The following TPTE variants were observed in gnomAD, a reference collection of about 807,000 sequenced individuals.
TPTE encodes putative tyrosine-protein phosphatase TPTE.
TPTE carries 59 observed loss-of-function variants against 84.1 expected under a neutral mutation model. The observed-to-expected ratio is 0.70, with a 90% CI of 0.57 to 0.87. The LOEUF (loss-of-function observed/expected upper bound fraction) is 0.87. Among genes scored for constraint, TPTE ranks in the 40% least tolerant of loss-of-function variants. The pLI is 0.00. For synonymous variants in TPTE, 130 were observed against 223.5 expected (o/e 0.58, Z 3.73); for missense variants, 382 against 659.6 (o/e 0.58, Z 4.61).
chr21:10,557,924 T>C (rs1430414411), intron 8 of TPTE, among the ~76,000 whole-genome samples: 1 of 152,310 alleles, frequency 6.6e-6, no homozygotes, highest in Non-Finnish European at 1.5e-5. Flanking sequence ...CCCACTTAAG[T>C]AGACCCCAGT....
intron 21 of TPTE, among the ~76,000 whole-genome samples, chr21:10,599,764 G>T (rs1261520831): frequency 4.9e-4 from 75 of 152,212 alleles, no homozygotes; most frequent in Non-Finnish European, 8.7e-4. Context: ...AAATAAACTG[G>T]GTCATCCCTT....
intron 3 of TPTE, among the ~76,000 whole-genome samples, chr21:10,529,145 C>T (rs1396210455): frequency 1.3e-5 from 2 of 151,048 alleles, no homozygotes; most frequent in African/African-American, 4.9e-5. Context: ...GACAGCACTG[C>T]TGCACTGCAG....
chr21:10,579,748 A>G (rs1384647055), intron 17 of TPTE, among the ~76,000 whole-genome samples: 1 of 152,312 alleles, frequency 6.6e-6, no homozygotes, highest in African/African-American at 2.4e-5. Context: ...GCCTTTAATT[A>G]TATATACCAT....
intron 3 of TPTE, among the ~76,000 whole-genome samples, chr21:10,529,396 C>A (rs563130902): frequency 2.0e-5 from 3 of 152,308 alleles, no homozygotes; most frequent in Non-Finnish European, 4.4e-5. Flanking sequence ...GAATGTCTAA[C>A]AGCTACTTTT....
intron 3 of TPTE, among the ~76,000 whole-genome samples, chr21:10,530,961 A>G (rs1328160287): frequency 6.6e-6 from 1 of 152,306 alleles, no homozygotes; most frequent in African/African-American, 2.4e-5. Context: ...TTCTTCTGTA[A>G]TGGTCCATTC....
intron 13 of TPTE, among the ~76,000 whole-genome samples, chr21:10,570,176 TC>T (rs1272357614): frequency 6.6e-6 from 1 of 152,302 alleles, no homozygotes; most frequent in Non-Finnish European, 1.5e-5. Flanking sequence ...TCTTGGATTT[TC>T]TCTGGTATTT....
chr21:10,591,507 G>A (rs1182377629), intron 18 of TPTE, among the ~76,000 whole-genome samples: 30 of 152,334 alleles, frequency 2.0e-4, no homozygotes, highest in Non-Finnish European at 2.1e-4. Flanking sequence ...AAAATGAATA[G>A]AGCAGAATAG....
intron 3 of TPTE, among the ~76,000 whole-genome samples, chr21:10,529,751 A>T (rs534914078): frequency 3.3e-5 from 5 of 152,428 alleles, no homozygotes; most frequent in Admixed American, 3.3e-4. Context: ...AATATTATTC[A>T]GTTTATAATT....
At chr21:10,561,915 A>G (rs2074813195) in intron 10 of TPTE, among the ~76,000 whole-genome samples, 1 of 152,308 alleles carries the variant, frequency 6.6e-6, no homozygotes, top group African/African-American at 2.4e-5. Context: ...GAGTGGTTAC[A>G]GCAGGTCTTG....
rs1431095144 is a variant in TPTE, at chr21:10,559,491, C to T, written c.234-3C>T. ...TTAATTTTATTTTTACTTCTTTTTG[C>T]AGCAGCAAGATTAAGAAAATTGTGC... On this transcript the variant is annotated splice_polypyrimidine_tract_variant and splice_region_variant and intron_variant, in intron 8 of 23. Coordinates refer to ENST00000618007, the MANE Select transcript of TPTE (RefSeq NM_199261.4). 6.2e-7 allele frequency: 1 copy of T among 1,612,028 alleles called. No individual in the cohort carries two copies. The highest frequency in any genetic ancestry group is 2.2e-5 in the East Asian group (1 of 44,888).
intron 2 of TPTE, among the ~76,000 whole-genome samples, chr21:10,525,723 C>T (rs560290145): frequency 1.3e-5 from 2 of 152,428 alleles, no homozygotes; most frequent in East Asian, 1.9e-4. Flanking sequence ...TCTCACCTTC[C>T]TTAGGGGGCA....
intron 19 of TPTE, among the ~76,000 whole-genome samples, chr21:10,595,069 G>T (rs1384550759): frequency 6.6e-6 from 1 of 152,310 alleles, no homozygotes; most frequent in Non-Finnish European, 1.5e-5. Flanking sequence ...TTGAGACAGA[G>T]TCTCGCTCTG....
At chr21:10,539,072 G>A (rs1314567097) in intron 4 of TPTE, among the ~76,000 whole-genome samples, 4 of 152,312 alleles carry the variant, frequency 2.6e-5, no homozygotes, top group Non-Finnish European at 1.5e-5. Flanking sequence ...GGTCATAAGA[G>A]AGCTGCTGCT....
chr21:10,597,850 G>C (rs1304156104), intron 20 of TPTE, among the ~76,000 whole-genome samples, 165 bp from the exon 21 acceptor site: 2 of 152,306 alleles, frequency 1.3e-5, no homozygotes, highest in Admixed American at 1.3e-4. Flanking sequence ...GGGCTTGAAG[G>C]CTTGTCTTTC....
intron 3 of TPTE, among the ~76,000 whole-genome samples, chr21:10,530,643 C>T (rs998056786): frequency 2.6e-5 from 4 of 152,308 alleles, no homozygotes; most frequent in Non-Finnish European, 5.9e-5. Context: ...ATGCCAGACC[C>T]CTATAGACCT....
chr21:10,522,810 A>G (rs1454110009), intron 1 of TPTE, among the ~76,000 whole-genome samples: 220 of 152,318 alleles, frequency 1.4e-3, no homozygotes, highest in Non-Finnish European at 1.3e-3. Flanking sequence ...ACATTGCATA[A>G]TGATCAAATC....
chr21:10,596,870 G>A (rs1479471631), intron 20 of TPTE, among the ~76,000 whole-genome samples: 2 of 152,428 alleles, frequency 1.3e-5, no homozygotes, highest in African/African-American at 4.8e-5. Flanking sequence ...GACATCAATA[G>A]AAAGAAGTTC....
At chr21:10,559,234 T>C (rs1318888864) in intron 8 of TPTE, among the ~76,000 whole-genome samples, 3 of 152,306 alleles carry the variant, frequency 2.0e-5, no homozygotes, top group African/African-American at 7.2e-5. Context: ...TGCCATAAAG[T>C]TGGGGTTGGG....
At chr21:10,574,754 G>A (rs1329294062) in intron 14 of TPTE, among the ~76,000 whole-genome samples, 2 of 152,310 alleles carry the variant, frequency 1.3e-5, no homozygotes, top group Non-Finnish European at 2.9e-5. Flanking sequence ...TCCTGCCCGG[G>A]AAACCGTGTT....
Sources: gnomAD v4.1 joint callset for allele counts (sites outside exome capture counted in the v4.1 genomes callset) on GRCh38, gnomAD v4.1.1 for gene constraint, MANE v1.5 for transcripts, NCBI Gene and HGNC (gene_info 2026-07-23, HGNC 2026-07-21) for gene names.